The following OCRL variants were observed in gnomAD, a reference collection of about 807,000 sequenced individuals.
The protein encoded by OCRL is inositol polyphosphate 5-phosphatase OCRL.
In OCRL, 8 loss-of-function variants were observed where a neutral mutation model predicts 78.9. The observed-to-expected ratio is 0.10, with a 90% CI of 0.06 to 0.18. The LOEUF is 0.18. Ranked by LOEUF, OCRL falls within the 10% of genes least tolerant of loss-of-function variation. The pLI, the probability that OCRL is intolerant of heterozygous loss-of-function variation, is 1.00. For missense variants in OCRL, 454 were observed against 696.7 expected (o/e 0.65, Z 3.92); for synonymous variants, 240 against 235.4 (o/e 1.02, Z -0.18).
intron 8 of OCRL, among the ~76,000 whole-genome samples, 158 bp from the exon 9 acceptor site, chrX:129,560,392 T>C (rs1341295403): frequency 8.9e-6 from 1 of 112,959 alleles, no homozygotes; most frequent in Non-Finnish European, 1.9e-5. Flanking sequence ...CTTTGTGTTC[T>C]AGATGCAAAA....
At chrX:129,555,733 C>G (rs1344135768) in intron 4 of OCRL, among the ~76,000 whole-genome samples, 1 of 111,665 alleles carries the variant, frequency 9.0e-6, no homozygotes, top group Non-Finnish European at 1.9e-5. Flanking sequence ...ATCTTCTGGC[C>G]CATTAAATAG....
At chrX:129,574,814 G>A (rs910106105) in intron 15 of OCRL, among the ~76,000 whole-genome samples, 2 of 112,241 alleles carry the variant, frequency 1.8e-5, no homozygotes, top group Admixed American at 9.5e-5. Context: ...TTTACAGGAC[G>A]TTAGCCAATT....
At chrX:129,563,842 A>G (rs1219261205) in intron 12 of OCRL, among the ~76,000 whole-genome samples, 1 of 110,492 alleles carries the variant, frequency 9.1e-6, no homozygotes, top group Non-Finnish European at 1.9e-5. Context: ...AAACACCAAA[A>G]GCAATGGCAA....
At chrX:129,579,321 T>C (rs1780797793) in intron 18 of OCRL, among the ~76,000 whole-genome samples, 1 of 111,740 alleles carries the variant, frequency 8.9e-6, no homozygotes, top group South Asian at 3.8e-4. Context: ...TCCTCAGGTA[T>C]AGTATTCATG....
At chrX:129,581,799 A>C in intron 18 of OCRL, among the ~76,000 whole-genome samples, 1 of 84,792 alleles carries the variant, frequency 1.2e-5, no homozygotes, top group African/African-American at 4.8e-5. Context: ...TGCTTGACCT[A>C]CCTCGGTAGC....
chrX:129,545,811 C>T (rs775160650), intron 3 of OCRL, among the ~76,000 whole-genome samples: 2 of 111,765 alleles, frequency 1.8e-5, no homozygotes, highest in Non-Finnish European at 3.8e-5. Flanking sequence ...ATTTCCCAGG[C>T]TCAAGTGATC....
chrX:129,589,760 G>C (rs2058045208), intron 22 of OCRL, 85 bp from the exon 23 acceptor site: 1 of 645,142 alleles, frequency 1.6e-6, no homozygotes, highest in Non-Finnish European at 2.6e-6. Flanking sequence ...TTGGATTATA[G>C]ACTACTATTA....
intron 14 of OCRL, among the ~76,000 whole-genome samples, chrX:129,568,109 G>C (rs1199605814): frequency 9.2e-6 from 1 of 108,867 alleles, no homozygotes; most frequent in Non-Finnish European, 1.9e-5. Context: ...GTAGAGACGG[G>C]GTTTCACCTT....
chrX:129,590,372 A>G lies in OCRL; in HGVS notation c.*102A>G. The G allele has an allele frequency of 9.7e-7, 1 of 1,026,305 alleles. No homozygotes were observed. The highest frequency in any genetic ancestry group is 1.9e-5 in the South Asian group (1 of 52,555). The allele number at this position is 1,026,305 out of a possible 1,213,427, so 84.6% of individuals were successfully genotyped here. The stretch of plus-strand genomic sequence containing the variant: ...TGCCACAGGAAGGGTCTATTGCAGA[A>G]TTTCAAGTTCTGTTTATAGTAAAAA... On this transcript the variant is annotated 3_prime_UTR_variant, in exon 24 of 24. Transcript: ENST00000371113.
chrX:129,546,629 G>A (rs1178601913), intron 3 of OCRL, among the ~76,000 whole-genome samples: 1 of 112,138 alleles, frequency 8.9e-6, no homozygotes, highest in African/African-American at 3.2e-5. Context: ...ATAGTAAGTT[G>A]CTGTGGCCAC....
Position 129,571,307 on chromosome X carries a change from A to T in OCRL, c.1602+1908A>T, listed in dbSNP as rs5977108. The stretch of plus-strand genomic sequence containing the variant: ...TCAGGTATGCCTGGCTTTTTTGTTT[A>T]CATTTCTTTTCAAAACCTTCAGATT... On this transcript the variant is annotated intron_variant, in intron 15 of 23. Coordinates refer to ENST00000371113, the MANE Select transcript of OCRL (RefSeq NM_000276.4). Among the ~76,000 whole-genome samples, 10 of 106,295 alleles carry T rather than the reference A, an allele frequency of 9.4e-5. No homozygotes were observed. In the South Asian group the frequency reaches 4.1e-3, roughly 44 times the overall value. 92.3% of individuals were successfully genotyped at this position (106,295 alleles called of 115,157 possible). A position where few individuals can be genotyped will look rare whatever the true frequency, so the allele number is the denominator to read the frequency against.
intron 12 of OCRL, among the ~76,000 whole-genome samples, chrX:129,563,004 C>T (rs749209172): frequency 9.0e-5 from 10 of 111,519 alleles, no homozygotes; most frequent in African/African-American, 2.0e-4. Context: ...TAGTGGGGCA[C>T]CTAGAATAAT....
chrX:129,554,902 A>G (rs1320790723), intron 4 of OCRL, among the ~76,000 whole-genome samples: 2 of 108,245 alleles, frequency 1.8e-5, no homozygotes, highest in East Asian at 5.7e-4. Flanking sequence ...CAGTGAGCCG[A>G]GATCGCGGCA....
At chrX:129,549,538 G>A (rs1254478852) in intron 4 of OCRL, 10 of 108,191 alleles carry the variant, frequency 9.2e-5, no homozygotes, top group African/African-American at 3.4e-4. Context: ...TTTTCCCTTT[G>A]GTCGTGAATT....
At chrX:129,564,411 CAT>C (rs1179732190) in intron 12 of OCRL, among the ~76,000 whole-genome samples, 1 of 111,016 alleles carries the variant, frequency 9.0e-6, no homozygotes, top group Non-Finnish European at 1.9e-5. Flanking sequence ...GCTATAAAGA[CAT>C]ATGCACACGT....
In OCRL at chrX:129,540,776, C is replaced by G. The variant is rs772216523; in HGVS notation, c.72C>G (p.Leu24=). The part of the protein sequence containing the change: ...TVEGMEMKGP[L]REPCALTLAQ... ...AGGGTATGGAGATGAAGGGTCCTCT[C>G]CGGGAGCCCTGCGCCCTGACCCTAG... is the stretch of plus-strand genomic sequence containing the variant. The change falls in exon 2 of 24, where the codon CTC becomes CTG. Residue 24 remains leucine, a synonymous_variant. Coordinates refer to ENST00000371113, the MANE Select transcript of OCRL (RefSeq NM_000276.4). The G allele has an allele frequency of 3.7e-5, 45 of 1,208,592 alleles. No homozygotes were observed. The South Asian group carries it at 6.9e-4, about 18-fold the overall frequency.
chrX:129,547,457 G>A (rs1234216904), intron 3 of OCRL, among the ~76,000 whole-genome samples: 5 of 104,240 alleles, frequency 4.8e-5, no homozygotes, highest in African/African-American at 1.4e-4. Context: ...CCTGGGAGGC[G>A]GAGCTTGCAG....
At chrX:129,542,256 G>T (rs138464761) in intron 2 of OCRL, among the ~76,000 whole-genome samples, 8,246 of 106,247 alleles carry the variant, frequency 0.078, 365 homozygotes, top group Non-Finnish European at 0.12. Context: ...TTCCAATTCT[G>T]TGTAAGTTAT....
At chrX:129,584,040 G>C (rs948777142) in intron 18 of OCRL, among the ~76,000 whole-genome samples, 2 of 111,615 alleles carry the variant, frequency 1.8e-5, no homozygotes, top group Non-Finnish European at 3.8e-5. Context: ...GACAGGAAGA[G>C]ACATCAGGGG....
Sources: allele counts gnomAD v4.1 joint callset (sites outside exome capture counted in the v4.1 genomes callset), GRCh38; gene constraint gnomAD v4.1.1; transcripts MANE v1.5; gene names NCBI Gene and HGNC (gene_info 2026-07-23, HGNC 2026-07-21).